The following ULK4 variants were observed in gnomAD, a reference collection of about 807,000 sequenced individuals.
ULK4 encodes unc-51 like kinase 4.
A neutral mutation model predicts 160.6 loss-of-function variants in ULK4; 133 were observed. That is an observed-to-expected ratio of 0.83 (90% CI 0.72 to 0.96). The LOEUF (loss-of-function observed/expected upper bound fraction) is 0.96. Among genes scored for constraint, ULK4 ranks in the 40% least tolerant of loss-of-function variants. ULK4 has a pLI of 0.00. For synonymous variants in ULK4, 534 were observed against 539.8 expected (o/e 0.99, Z 0.15); for missense variants, 1,580 against 1,499.5 (o/e 1.05, Z -0.89).
intron 34 of ULK4, among the ~76,000 whole-genome samples, chr3:41,416,854 G>T (rs2082539056): frequency 6.6e-6 from 1 of 152,140 alleles, no homozygotes; most frequent in African/African-American, 2.4e-5. Flanking sequence ...GACAGCATTT[G>T]GGCATGAAAG....
chr3:41,601,543 C>G (rs921203989), intron 31 of ULK4, among the ~76,000 whole-genome samples: 14 of 151,960 alleles, frequency 9.2e-5, no homozygotes, highest in African/African-American at 3.4e-4. Flanking sequence ...ACTAATTTTA[C>G]AGTAGAGAAA....
intron 35 of ULK4, among the ~76,000 whole-genome samples, chr3:41,300,468 A>G (rs982405044): frequency 1.3e-5 from 2 of 152,190 alleles, no homozygotes; most frequent in East Asian, 3.9e-4. Flanking sequence ...AGGGATAACA[A>G]TAACTTGAAA....
At chr3:41,936,579 T>G (rs924922766) in intron 3 of ULK4, among the ~76,000 whole-genome samples, 1 of 152,228 alleles carries the variant, frequency 6.6e-6, no homozygotes, top group Non-Finnish European at 1.5e-5. Context: ...TGGAGTACTA[T>G]TCAGCCATAA....
chr3:41,429,753 T>C (rs957134096), intron 34 of ULK4, among the ~76,000 whole-genome samples: 4 of 144,818 alleles, frequency 2.8e-5, no homozygotes, highest in Non-Finnish European at 4.5e-5. Flanking sequence ...GGGTGCAGCA[T>C]GGGGGGAGGG....
intron 30 of ULK4, among the ~76,000 whole-genome samples, chr3:41,654,444 T>C (rs1345580209): frequency 6.6e-6 from 1 of 152,222 alleles, no homozygotes; most frequent in East Asian, 1.9e-4. Flanking sequence ...TAAATGATAA[T>C]CTCAGTGAAA....
At chr3:41,444,457 C>T (rs182591970) in intron 34 of ULK4, among the ~76,000 whole-genome samples, 2 of 151,888 alleles carry the variant, frequency 1.3e-5, no homozygotes, top group East Asian at 3.9e-4. Flanking sequence ...TTGTGGAACT[C>T]AAAAGACCAT....
At chr3:41,491,890 C>A (rs1393906971) in intron 32 of ULK4, among the ~76,000 whole-genome samples, 1 of 149,558 alleles carries the variant, frequency 6.7e-6, no homozygotes, top group African/African-American at 2.5e-5. Flanking sequence ...CCTCCCCCCA[C>A]CCCACAACAG....
chr3:41,902,375 C>T (rs1454339676), intron 12 of ULK4, among the ~76,000 whole-genome samples: 1 of 151,842 alleles, frequency 6.6e-6, no homozygotes, highest in African/African-American at 2.4e-5. Flanking sequence ...GTCAGGAGTT[C>T]GAGACCAGCC....
intron 22 of ULK4, among the ~76,000 whole-genome samples, chr3:41,732,114 G>A (rs1187434841): frequency 6.6e-6 from 1 of 152,056 alleles, no homozygotes; most frequent in Non-Finnish European, 1.5e-5. Context: ...CAACAAAAGT[G>A]AAAACAGACA....
intron 22 of ULK4, among the ~76,000 whole-genome samples, chr3:41,730,801 C>T (rs1481850907): frequency 6.6e-6 from 1 of 152,156 alleles, no homozygotes; most frequent in East Asian, 1.9e-4. Context: ...AAGGAAATTA[C>T]AGGCCAATAT....
chr3:41,667,984 G>A (rs1559473103), intron 29 of ULK4, among the ~76,000 whole-genome samples: 1 of 152,172 alleles, frequency 6.6e-6, no homozygotes, highest in Non-Finnish European at 1.5e-5. Context: ...GGTTATCTGG[G>A]AGAAAACTGA....
At chr3:41,781,786 A>G (rs944238928) in intron 21 of ULK4, among the ~76,000 whole-genome samples, 2 of 152,060 alleles carry the variant, frequency 1.3e-5, no homozygotes, top group Non-Finnish European at 2.9e-5. Context: ...TAAAAATACA[A>G]AATTCAGCTA....
At position 41,308,433 on chromosome 3, in the gene ULK4, C is replaced by CAAA. The variant is rs60306590; in HGVS notation, c.3679-58862_3679-58860dup. ...TAACCAAATTACTGAATAAAAACTACAAAAAAAAAAAGATTAAGTTGATTA... is the reference window on the plus strand; with the variant it reads ...TAACCAAATTACTGAATAAAAACTACAAAAAAAAAAAAAAGATTAAGTTGATTA... On this transcript the variant is annotated intron_variant, in intron 35 of 36. Coordinates refer to ENST00000301831, the MANE Select transcript of ULK4 (RefSeq NM_017886.4). 4.8e-4 allele frequency among the ~76,000 whole-genome samples: 63 copies of CAAA among 131,344 alleles called. 1 individual carries two copies. Among genetic ancestry groups the CAAA allele is most frequent in the African/African-American group, 1.7e-3 (62 of 37,236 alleles). 86.2% of individuals were successfully genotyped at this position (131,344 alleles called of 152,430 possible). A position where few individuals can be genotyped will look rare whatever the true frequency, so the allele number is the denominator to read the frequency against.
chr3:41,305,379 A>T, intron 35 of ULK4, among the ~76,000 whole-genome samples: 1 of 152,194 alleles, frequency 6.6e-6, no homozygotes, highest in African/African-American at 2.4e-5. Context: ...TGCAGGCTCG[A>T]GCCGCCACGC....
intron 31 of ULK4, among the ~76,000 whole-genome samples, chr3:41,594,421 T>C (rs2031554452): frequency 6.6e-6 from 1 of 151,892 alleles, no homozygotes; most frequent in Non-Finnish European, 1.5e-5. Context: ...GTGCCTACAG[T>C]TCCAGCTACT....
At chr3:41,285,821 G>A (rs2079447033) in intron 35 of ULK4, among the ~76,000 whole-genome samples, 1 of 152,182 alleles carries the variant, frequency 6.6e-6, no homozygotes, top group Non-Finnish European at 1.5e-5. Flanking sequence ...AAGAGGATGT[G>A]GGAAAGAAAA....
intron 32 of ULK4, among the ~76,000 whole-genome samples, chr3:41,481,598 C>T (rs1046776199): frequency 3.3e-5 from 5 of 151,888 alleles, no homozygotes; most frequent in Non-Finnish European, 4.4e-5. Flanking sequence ...GAGGCCGAGG[C>T]GGGCGGATCA....
chr3:41,481,272 G>A (rs2084312988), intron 32 of ULK4, among the ~76,000 whole-genome samples: 2 of 152,218 alleles, frequency 1.3e-5, no homozygotes, highest in South Asian at 4.2e-4. Context: ...AATTTAAACT[G>A]CAGTGTCTTG....
chr3:41,747,351 T>C (rs1384227809), intron 22 of ULK4, among the ~76,000 whole-genome samples: 1 of 151,932 alleles, frequency 6.6e-6, no homozygotes, highest in African/African-American at 2.4e-5. Context: ...CTTTTTAACA[T>C]GACCTTAGAA....
Sources: allele counts gnomAD v4.1 joint callset (sites outside exome capture counted in the v4.1 genomes callset), GRCh38; gene constraint gnomAD v4.1.1; transcripts MANE v1.5; gene names NCBI Gene and HGNC (gene_info 2026-07-23, HGNC 2026-07-21).